BGN: variants seen among roughly 807,000 people sequenced by gnomAD.
BGN encodes the protein biglycan.
A neutral mutation model predicts 20.0 loss-of-function variants in BGN; 6 were observed. The ratio of observed to expected loss-of-function variants is 0.30; its 90% CI spans 0.16 to 0.59. The LOEUF (loss-of-function observed/expected upper bound fraction) is 0.59, where lower values mean the gene tolerates loss of function less well. Among genes scored for constraint, BGN ranks in the 20% least tolerant of loss-of-function variants. The pLI, the probability that BGN is intolerant of heterozygous loss-of-function variation, is 0.88. For missense variants in BGN, 292 were observed against 312.1 expected (o/e 0.94, Z 0.49); for synonymous variants, 146 against 134.6 (o/e 1.08, Z -0.59).
intron 2 of BGN, 82 bp downstream of exon 2, chrX:153,504,951 C>T (rs2089788442): frequency 4.2e-6 from 4 of 960,261 alleles, no homozygotes; most frequent in South Asian, 4.4e-5. Context: ...GGGACACATG[C>T]TGGTCCTGTG....
intron 1 of BGN, among the ~76,000 whole-genome samples, chrX:153,504,268 C>T (rs1285482075): frequency 8.9e-6 from 1 of 112,628 alleles, no homozygotes; most frequent in Non-Finnish European, 1.9e-5. Context: ...TGGACGCCCC[C>T]GCCCTAAAGC....
intron 1 of BGN, 183 bp downstream of exon 1, chrX:153,495,296 C>T (rs1330490757): frequency 1.8e-5 from 2 of 112,067 alleles, no homozygotes; most frequent in African/African-American, 6.5e-5. Context: ...CCCCCTTGGT[C>T]CCTGTCAGGC....
At position 153,507,448 on chromosome X, in the gene BGN, A is replaced by G. The variant is rs185339078; in HGVS notation, c.909+263A>G. Among the ~76,000 whole-genome samples the G allele has an allele frequency of 0.054, 6,090 of 112,544 alleles. 166 individuals are homozygous for G. Among genetic ancestry groups the G allele is most frequent in the Middle Eastern group, 0.12 (27 of 216 alleles). ...ACACCAGAAAGATGTGGCAGAGTCC[A>G]GGGAGTCGAGAAACTGTGGGCGTGG... On this transcript the variant is annotated intron_variant, in intron 7 of 7. Coordinates refer to ENST00000331595, the MANE Select transcript of BGN (RefSeq NM_001711.6).
In BGN at chrX:153,508,504, T is replaced by A; in HGVS notation, c.*59T>A. 6 of 1,144,302 alleles carry A rather than the reference T, an allele frequency of 5.2e-6. No homozygotes were observed. Among genetic ancestry groups the A allele is most frequent in the Non-Finnish European group, 7.1e-6 (6 of 845,057 alleles). The allele number at this position is 1,144,302 out of a possible 1,213,427, so 94.3% of individuals were successfully genotyped here. A position where few individuals can be genotyped will look rare whatever the true frequency, so the allele number is the denominator to read the frequency against. On this transcript the variant is annotated 3_prime_UTR_variant, in exon 8 of 8. Transcript: ENST00000331595. ...GGTCTCTGGGGAACACAGCCAGACA[T>A]CCTGATGGGGAGGCAGAGCCAGGAA...
chrX:153,502,540 C>T (rs2089768027), intron 1 of BGN, among the ~76,000 whole-genome samples: 1 of 112,756 alleles, frequency 8.9e-6, no homozygotes, highest in African/African-American at 3.2e-5. Context: ...CCCTGCCCTG[C>T]CCTGGAGGAA....
rs1456006417 is a variant in BGN, at chrX:153,507,384, C to T, written c.909+199C>T. On this transcript the variant is annotated intron_variant, in intron 7 of 7. Transcript: ENST00000331595. ...CATGGTGGATACCGAGCAAGGCAGC[C>T]TGGTAGCTCTTGGACCCGAGGGTCT... 2.7e-5 allele frequency among the ~76,000 whole-genome samples: 3 copies of T among 112,754 alleles called. No homozygotes were observed. The East Asian group carries it at 8.3e-4, about 31-fold the overall frequency.
At chrX:153,505,467 G>T in intron 3 of BGN, 117 bp downstream of exon 3, 1 of 625,239 alleles carries the variant, frequency 1.6e-6, no homozygotes, top group Non-Finnish European at 2.4e-6. Context: ...GCTTCAGGGT[G>T]AAGCCTGGAG....
chrX:153,496,778 A>G (rs2089717947), intron 1 of BGN, among the ~76,000 whole-genome samples: 1 of 112,085 alleles, frequency 8.9e-6, no homozygotes, highest in Non-Finnish European at 1.9e-5. Context: ...AAACAAAGCT[A>G]TAGCGTGTCC....
At chrX:153,496,655 C>T (rs1377358745) in intron 1 of BGN, among the ~76,000 whole-genome samples, 1 of 112,365 alleles carries the variant, frequency 8.9e-6, no homozygotes, top group Non-Finnish European at 1.9e-5. Context: ...AGGACCCGTA[C>T]GGCAGTGGGC....
chrX:153,506,210 C>T, intron 4 of BGN, 134 bp downstream of exon 4: 1 of 737,024 alleles, frequency 1.4e-6, no homozygotes, highest in Non-Finnish European at 2.0e-6. Flanking sequence ...CCATGGATTT[C>T]TTGGCAAATC....
chrX:153,502,329 C>A (rs782256477), intron 1 of BGN, among the ~76,000 whole-genome samples: 19 of 112,364 alleles, frequency 1.7e-4, no homozygotes, highest in Non-Finnish European at 3.2e-4. Context: ...GACTCACTCT[C>A]CCTGGGAGGT....
At chrX:153,501,801 G>A (rs1032516514) in intron 1 of BGN, among the ~76,000 whole-genome samples, 3 of 112,431 alleles carry the variant, frequency 2.7e-5, no homozygotes, top group Non-Finnish European at 3.8e-5. Flanking sequence ...CCTCTGTCAC[G>A]GGGCCCGGGT....
Position 153,504,747 on chromosome X carries a change from A to C in BGN, c.116A>C (p.Glu39Ala). 1 of 1,211,730 alleles carries C rather than the reference A, an allele frequency of 8.3e-7. No individual in the cohort carries two copies. Among genetic ancestry groups the C allele is most frequent in the African/African-American group, 1.7e-5 (1 of 57,850 alleles). Residue 39 changes from glutamate (E) to alanine (A), a missense_variant, in exon 2 of 8, where the codon GAG (glutamate) becomes GCG (alanine). By Grantham distance (107) the Glu-to-Ala change is moderately radical. Coordinates refer to ENST00000331595, the MANE Select transcript of BGN (RefSeq NM_001711.6). ...GATGGGCCATTCATGATGAACGATG[A>C]GGAAGCTTCGGGCGCTGACACCTCG... is the stretch of plus-strand genomic sequence containing the variant. ...LDDGPFMMNDEEASGADTSGV... is the reference protein window; with the variant it reads ...LDDGPFMMNDAEASGADTSGV...
chrX:153,505,230 G>A lies in BGN; in HGVS notation c.239-8G>A. 1.7e-6 allele frequency: 2 copies of A among 1,188,807 alleles called. No homozygotes were observed. Among genetic ancestry groups the A allele is most frequent in the Non-Finnish European group, 2.3e-6 (2 of 878,465 alleles). ...AGTTCATGCTGGTGATGGGGGTGGGGCCCCTAGGTCTGAAGTCTGTGCCCA... is the reference window on the plus strand; with the variant it reads ...AGTTCATGCTGGTGATGGGGGTGGGACCCCTAGGTCTGAAGTCTGTGCCCA... On this transcript the variant is annotated splice_region_variant and splice_polypyrimidine_tract_variant and intron_variant, in intron 2 of 7. Transcript: ENST00000331595.
rs1327053708 is a variant in BGN at position 153,506,870 on chromosome X, C to T, written c.717C>T (p.Asn239=). ...TGAATGAACTCCACCTAGACCACAA[C>T]AAAATCCAGGCCATCGAACTGGAGG... ...ETLNELHLDH[N]KIQAIELEDL... is the part of the protein sequence containing the mutation. The change falls in exon 6 of 8, where the codon AAC becomes AAT. Residue 239 remains asparagine (N), a synonymous_variant. Transcript: ENST00000331595. 8.3e-7 allele frequency: 1 copy of T among 1,210,143 alleles called. No homozygotes were observed. The highest frequency in any genetic ancestry group is 1.7e-5 in the African/African-American group (1 of 57,189).
chrX:153,501,075 T>C (rs782441673), intron 1 of BGN, among the ~76,000 whole-genome samples: 1 of 110,722 alleles, frequency 9.0e-6, no homozygotes, highest in African/African-American at 3.3e-5. Flanking sequence ...TGTGTGTACA[T>C]ATGTGTTTTG....
chrX:153,504,892 G>A (rs201493973), intron 2 of BGN, 23 bp downstream of exon 2: 157 of 1,168,866 alleles, frequency 1.3e-4, no homozygotes, highest in Admixed American at 6.2e-4. Flanking sequence ...GTGATGGGGA[G>A]CGGGGCATGC....
At chrX:153,500,734 T>C (rs112122499) in intron 1 of BGN, among the ~76,000 whole-genome samples, 37,439 of 109,607 alleles carry the variant, frequency 0.34, 4,754 homozygotes, top group African/African-American at 0.38. Context: ...TATGCATGTG[T>C]GTGTGTGTGT....
rs1337329096 is a variant in BGN at position 153,506,394 on chromosome X, A to T, written c.566-135A>T. 6.9e-6 allele frequency: 4 copies of T among 583,115 alleles called. No homozygotes were observed. In the African/African-American group the frequency reaches 9.2e-5, roughly 13 times the overall value. The allele number at this position is 583,115 out of a possible 1,213,427, so 48.1% of individuals were successfully genotyped here. ...GCTAGGAGTTTGCAATTAGCCCGGT[A>T]AATTAGCAGAACTGCTTTCAGGAGA... On this transcript the variant is annotated intron_variant, in intron 4 of 7. Coordinates refer to ENST00000331595, the MANE Select transcript of BGN (RefSeq NM_001711.6).
Sources: gnomAD v4.1 joint callset for allele counts (sites outside exome capture counted in the v4.1 genomes callset) on GRCh38, gnomAD v4.1.1 for gene constraint, MANE v1.5 for transcripts, NCBI Gene and HGNC (gene_info 2026-07-23, HGNC 2026-07-21) for gene names.